The following CDH1 variants were observed in gnomAD, a reference collection of about 807,000 sequenced individuals.
CDH1 encodes cadherin-1.
In CDH1, 35 loss-of-function variants were observed where a neutral mutation model predicts 84.5. The ratio of observed to expected loss-of-function variants is 0.41; its 90% CI spans 0.32 to 0.55. The LOEUF (loss-of-function observed/expected upper bound fraction) is 0.55, where lower values mean the gene tolerates loss of function less well. Among genes scored for constraint, CDH1 ranks in the 20% least tolerant of loss-of-function variants. The probability of loss-of-function intolerance (pLI) is 0.19; values close to 1 mark genes in which losing one functional copy is unlikely to be tolerated. For missense variants in CDH1, 994 were observed against 1,126.6 expected (o/e 0.88, Z 1.68); for synonymous variants, 417 against 439.0 (o/e 0.95, Z 0.63).
At chr16:68,813,626 G>A (rs1386487770) in intron 9 of CDH1, 131 bp downstream of exon 9, 5 of 884,676 alleles carry the variant, frequency 5.7e-6, no homozygotes, top group Non-Finnish European at 9.6e-6. Context: ...GATTGTAGTG[G>A]ACCATGTGGG....
chr16:68,809,204 G>A (rs1010457454), intron 5 of CDH1, among the ~76,000 whole-genome samples: 1 of 149,712 alleles, frequency 6.7e-6, no homozygotes, highest in Non-Finnish European at 1.5e-5. Flanking sequence ...GCAGCAGCAA[G>A]AGCTTAGGAA....
At chr16:68,832,372 A>G (rs1961510077) in intron 15 of CDH1, among the ~76,000 whole-genome samples, 2 of 151,972 alleles carry the variant, frequency 1.3e-5, no homozygotes, top group Admixed American at 1.3e-4. Context: ...GCTACTCAGG[A>G]GGCTGAGGCC....
chr16:68,809,783 C>T (rs980098010), intron 5 of CDH1, among the ~76,000 whole-genome samples: 3 of 152,140 alleles, frequency 2.0e-5, no homozygotes, highest in African/African-American at 7.2e-5. Context: ...ACCTCGGCCT[C>T]CCAAAGTGCT....
intron 2 of CDH1, among the ~76,000 whole-genome samples, chr16:68,769,807 G>T (rs896390196): frequency 1.3e-5 from 2 of 151,746 alleles, no homozygotes; most frequent in Non-Finnish European, 2.9e-5. Flanking sequence ...GGTGGCTCAC[G>T]CTGGGGACTA....
chr16:68,787,000 T>C (rs1333670076), intron 2 of CDH1, among the ~76,000 whole-genome samples: 4 of 152,170 alleles, frequency 2.6e-5, no homozygotes, highest in African/African-American at 9.7e-5. Context: ...CCAGATCTTG[T>C]TCTTGAGTTA....
rs550747434 is a variant in CDH1 at position 68,762,194 on chromosome 16, T to C, written c.163+23783T>C. 4.6e-5 allele frequency among the ~76,000 whole-genome samples: 7 copies of C among 152,266 alleles called. No individual in the cohort carries two copies. In the South Asian group the frequency reaches 1.4e-3, roughly 32 times the overall value. ...CCCCTCCACTGGGGACACCTCCCAG[T>C]GTTCCTTGCCTGGCTCATTTCTCTC... On this transcript the variant is annotated intron_variant, in intron 2 of 15. Coordinates refer to ENST00000261769, the MANE Select transcript of CDH1 (RefSeq NM_004360.5).
At chr16:68,786,534 CTTTTT>C (rs3074434) in intron 2 of CDH1, among the ~76,000 whole-genome samples, 992 of 74,008 alleles carry the variant, frequency 0.013, 7 homozygotes, top group Middle Eastern at 0.035. Flanking sequence ...TTTTTTTTTT[CTTTTT>C]TTTTTTTTTT....
intron 2 of CDH1, among the ~76,000 whole-genome samples, chr16:68,774,491 G>T (rs1429927796): frequency 6.6e-6 from 1 of 152,124 alleles, no homozygotes; most frequent in Non-Finnish European, 1.5e-5. Context: ...CTGCATTCCA[G>T]CCTGGGCGAC....
intron 2 of CDH1, among the ~76,000 whole-genome samples, chr16:68,785,000 T>C (rs2961): frequency 0.28 from 43,198 of 151,774 alleles, 6,263 homozygotes; most frequent in Middle Eastern, 0.34. Context: ...ATGAATAGGT[T>C]ATATGTTCAC....
intron 2 of CDH1, among the ~76,000 whole-genome samples, chr16:68,741,239 T>C (rs1962555814): frequency 6.6e-6 from 1 of 152,158 alleles, no homozygotes; most frequent in South Asian, 2.1e-4. Flanking sequence ...TTGGCTTTTT[T>C]GGACTGTGGG....
chr16:68,830,305 C>A (rs1961453936), intron 15 of CDH1, among the ~76,000 whole-genome samples: 1 of 152,046 alleles, frequency 6.6e-6, no homozygotes, highest in Admixed American at 6.6e-5. Flanking sequence ...AATCGTGCTT[C>A]AAATTGCAAA....
intron 9 of CDH1, 24 bp downstream of exon 9, chr16:68,813,519 G>A (rs1960902592): frequency 6.2e-7 from 1 of 1,607,312 alleles, no homozygotes; most frequent in Non-Finnish European, 8.5e-7. Context: ...CTGGCAAGAT[G>A]CAGAAACTGG....
In CDH1 at chr16:68,744,108, A is replaced by C. The variant is rs78817031; in HGVS notation, c.163+5697A>C. Among the ~76,000 whole-genome samples the C allele has an allele frequency of 4.6e-5, 7 of 152,340 alleles. No homozygotes were observed. The East Asian group carries it at 9.7e-4, about 21-fold the overall frequency. ...AAACTCTCAATGTTATTTTGAGCAAATGAATGAACACATGAATAAATCGCT... is the reference window on the plus strand; with the variant it reads ...AAACTCTCAATGTTATTTTGAGCAACTGAATGAACACATGAATAAATCGCT... On this transcript the variant is annotated intron_variant, in intron 2 of 15. Transcript: ENST00000261769.
chr16:68,832,801 C>T (rs1045287069), intron 15 of CDH1, among the ~76,000 whole-genome samples: 6 of 151,932 alleles, frequency 3.9e-5, no homozygotes, highest in Non-Finnish European at 8.8e-5. Context: ...GCCTGTGTGA[C>T]AAGAGTGAAA....
At chr16:68,806,120 GTATA>G (rs374499674) in intron 3 of CDH1, among the ~76,000 whole-genome samples, 1,653 of 123,926 alleles carry the variant, frequency 0.013, 19 homozygotes, top group African/African-American at 0.03. Flanking sequence ...GCTAATTTTT[GTATA>G]TTTATTTATT....
chr16:68,742,042 CTAT>C (rs1165446942), intron 2 of CDH1, among the ~76,000 whole-genome samples: 1 of 152,112 alleles, frequency 6.6e-6, no homozygotes, highest in East Asian at 1.9e-4. Context: ...GAAACCCAGG[CTAT>C]TAGACAGTTT....
chr16:68,818,239 C>CTAAAA (rs1207067408), intron 10 of CDH1, among the ~76,000 whole-genome samples: 2 of 83,572 alleles, frequency 2.4e-5, no homozygotes, highest in African/African-American at 6.7e-5. Flanking sequence ...GACTCTGTCC[C>CTAAAA]AAAAAAAAAA....
At chr16:68,787,735 T>G (rs1960096786) in intron 2 of CDH1, among the ~76,000 whole-genome samples, 1 of 151,968 alleles carries the variant, frequency 6.6e-6, no homozygotes, top group African/African-American at 2.4e-5. Flanking sequence ...CTCAGCTCAC[T>G]GCAACCTCTG....
intron 2 of CDH1, among the ~76,000 whole-genome samples, chr16:68,745,457 G>A (rs1304011321): frequency 1.3e-5 from 2 of 149,062 alleles, no homozygotes; most frequent in Non-Finnish European, 3.0e-5. Context: ...TGGGGGGATT[G>A]CGTGAAGCCC....
Sources: allele counts gnomAD v4.1 joint callset (sites outside exome capture counted in the v4.1 genomes callset), GRCh38; gene constraint gnomAD v4.1.1; transcripts MANE v1.5; gene names NCBI Gene and HGNC (gene_info 2026-07-23, HGNC 2026-07-21).